The following C12orf42 variants were observed in gnomAD, a reference collection of about 807,000 sequenced individuals.
C12orf42 encodes chromosome 12 open reading frame 42.
In C12orf42, 25 loss-of-function variants were observed where a neutral mutation model predicts 21.6. The observed-to-expected ratio is 1.16, with a 90% confidence interval of 0.84 to 1.62. C12orf42 has a LOEUF of 1.62. C12orf42 is among the 40% of genes most tolerant of loss of function. The pLI is 0.00. For synonymous variants in C12orf42, 174 were observed against 175.0 expected (o/e 0.99, Z 0.05); for missense variants, 483 against 459.3 (o/e 1.05, Z -0.47).
At chr12:103,344,120 C>T (rs1388500533) in intron 4 of C12orf42, among the ~76,000 whole-genome samples, 1 of 152,192 alleles carries the variant, frequency 6.6e-6, no homozygotes, top group African/African-American at 2.4e-5. Context: ...GGCCCTCCTA[C>T]AGCTGTGCAA....
chr12:103,458,039 G>A (rs924658670), intron 2 of C12orf42, among the ~76,000 whole-genome samples: 2 of 152,114 alleles, frequency 1.3e-5, no homozygotes, highest in African/African-American at 4.8e-5. Context: ...CCATTGACTG[G>A]TCATCTTGAA....
At chr12:103,300,384 A>G (rs1193451172), downstream of C12orf42, among the ~76,000 whole-genome samples, 3 of 152,168 alleles carry the variant, frequency 2.0e-5, no homozygotes, top group African/African-American at 7.2e-5. Context: ...CTCACAAACT[A>G]TCTTTCTTAT....
At chr12:103,230,575 A>G in the C12orf42 span, among the ~76,000 whole-genome samples, 3 of 152,242 alleles carry the variant, frequency 2.0e-5, no homozygotes, top group Non-Finnish European at 4.4e-5. Context: ...ACATGTGTCC[A>G]TCACAGAGTC....
chr12:103,178,065 G>A, the C12orf42 span: 39 of 152,208 alleles, frequency 2.6e-4, no homozygotes, highest in African/African-American at 9.4e-4. Context: ...CCAGACACAG[G>A]AGAAGAGCGA....
chr12:103,330,247 A>T (rs2041125596), intron 4 of C12orf42, among the ~76,000 whole-genome samples: 1 of 152,228 alleles, frequency 6.6e-6, no homozygotes, highest in South Asian at 2.1e-4. Context: ...AGCCTACCCA[A>T]TTCCAGATGA....
chr12:103,146,610 A>AAGAAAGAAAGAAAGAAAGAAAGAAAG, the C12orf42 span, among the ~76,000 whole-genome samples: 1 of 147,686 alleles, frequency 6.8e-6, no homozygotes, highest in Admixed American at 6.8e-5. Flanking sequence ...GAAAGAAAGA[A>AAGAAAGAAAGAAAGAAAGAAAGAAAG]AAAGAAAAGT....
At chr12:103,524,167 G>A in the C12orf42 span, among the ~76,000 whole-genome samples, 2 of 152,226 alleles carry the variant, frequency 1.3e-5, no homozygotes, top group African/African-American at 4.8e-5. Flanking sequence ...CCTTTTGCAA[G>A]GATTTCTTGC....
At chr12:103,082,638 T>TAC in the C12orf42 span, among the ~76,000 whole-genome samples, 1 of 152,228 alleles carries the variant, frequency 6.6e-6, no homozygotes, top group Non-Finnish European at 1.5e-5. Context: ...GGCACATGTA[T>TAC]ACATACGTAA....
chr12:103,190,252 G>A, the C12orf42 span, among the ~76,000 whole-genome samples: 1 of 152,182 alleles, frequency 6.6e-6, no homozygotes, highest in Non-Finnish European at 1.5e-5. Flanking sequence ...GTCATGGGAA[G>A]AAAGAGAGAG....
rs546564679 is a variant in C12orf42 at position 103,352,284 on chromosome 12, T to A, written c.259+16603A>T. 3.3e-5 allele frequency among the ~76,000 whole-genome samples: 5 copies of A among 152,226 alleles called. No homozygotes were observed. In the South Asian group the frequency reaches 8.3e-4, roughly 25 times the overall value. ...AAGTAGGCTAAGAGAAAAAGAGAAT[T>A]CTCGCTATGGAGGGAAGGAAAGAGG... On this transcript the variant is annotated intron_variant, in intron 4 of 5. Coordinates refer to ENST00000548883, the MANE Select transcript of C12orf42 (RefSeq NM_198521.5).
At chr12:103,311,109 G>C (rs2038931035) in intron 4 of C12orf42, among the ~76,000 whole-genome samples, 1 of 152,078 alleles carries the variant, frequency 6.6e-6, no homozygotes, top group Non-Finnish European at 1.5e-5. Flanking sequence ...TGGATCTTAT[G>C]ACCTGTGCAC....
At chr12:103,386,642 G>T in intron 3 of C12orf42, among the ~76,000 whole-genome samples, 1 of 152,174 alleles carries the variant, frequency 6.6e-6, no homozygotes, top group African/African-American at 2.4e-5. Context: ...GAGTTAGCAT[G>T]ATCCAAAATA....
chr12:103,368,470 C>A (rs1351849306), intron 4 of C12orf42, among the ~76,000 whole-genome samples: 1 of 151,988 alleles, frequency 6.6e-6, no homozygotes, highest in East Asian at 1.9e-4. Flanking sequence ...GAACATAAGA[C>A]CAAAGTCTGG....
the C12orf42 span, among the ~76,000 whole-genome samples, chr12:103,508,388 T>C: frequency 2.0e-5 from 3 of 152,206 alleles, no homozygotes; most frequent in Non-Finnish European, 4.4e-5. Flanking sequence ...TTTGAGTTTG[T>C]CTTAGCAACA....
At chr12:103,105,573 ACACCAAATCTCAGCAC>A in the C12orf42 span, among the ~76,000 whole-genome samples, 4 of 152,134 alleles carry the variant, frequency 2.6e-5, no homozygotes, top group African/African-American at 9.7e-5. Context: ...TGGGATCTGT[ACACCAAATCTCAGCAC>A]CACCAGGCAA....
chr12:103,082,466 A>G, the C12orf42 span, among the ~76,000 whole-genome samples: 2 of 152,208 alleles, frequency 1.3e-5, no homozygotes, highest in Non-Finnish European at 2.9e-5. Flanking sequence ...TCTGTTTAGT[A>G]GTTTCTTCTA....
the C12orf42 span, among the ~76,000 whole-genome samples, chr12:103,058,697 C>T: frequency 6.6e-6 from 1 of 152,190 alleles, no homozygotes; most frequent in African/African-American, 2.4e-5. Flanking sequence ...TGCACAACTA[C>T]ATGGAAACTG....
At chr12:103,141,191 A>C in the C12orf42 span, among the ~76,000 whole-genome samples, 7 of 152,196 alleles carry the variant, frequency 4.6e-5, no homozygotes, top group Admixed American at 6.5e-5. Context: ...CCTGAACAAT[A>C]CTGTTTCTAA....
At chr12:103,303,597 G>T (rs933794673) in intron 5 of C12orf42, among the ~76,000 whole-genome samples, 5 of 152,202 alleles carry the variant, frequency 3.3e-5, no homozygotes, top group East Asian at 1.9e-4. Flanking sequence ...AAAATGAATA[G>T]TACCTTCCTA....
Sources: allele counts gnomAD v4.1 joint callset (sites outside exome capture counted in the v4.1 genomes callset), GRCh38; gene constraint gnomAD v4.1.1; transcripts MANE v1.5; gene names NCBI Gene and HGNC (gene_info 2026-07-23, HGNC 2026-07-21).